RAB4A: variants seen among roughly 807,000 people sequenced by gnomAD.
The protein encoded by RAB4A is RAB4A, member RAS oncogene family.
In RAB4A, 20 loss-of-function variants were observed where a neutral mutation model predicts 34.5. The ratio of observed to expected loss-of-function variants is 0.58; its 90% CI spans 0.41 to 0.84. RAB4A has a LOEUF of 0.84. RAB4A is among the 40% of genes least tolerant of loss of function. The probability of loss-of-function intolerance (pLI) is 0.00; values close to 1 mark genes in which losing one functional copy is unlikely to be tolerated. For synonymous variants in RAB4A, 102 were observed against 100.0 expected (o/e 1.02, Z -0.12); for missense variants, 228 against 274.5 (o/e 0.83, Z 1.20).
intron 1 of RAB4A, among the ~76,000 whole-genome samples, chr1:229,279,582 A>G (rs1382930507): frequency 1.3e-5 from 2 of 151,904 alleles, no homozygotes; most frequent in Non-Finnish European, 2.9e-5. Context: ...TTTTGGCTTT[A>G]TGTTTGCTAT....
intron 1 of RAB4A, among the ~76,000 whole-genome samples, chr1:229,279,837 A>ATTT (rs1656738115): frequency 7.2e-6 from 1 of 139,102 alleles, no homozygotes; most frequent in African/African-American, 2.9e-5. Context: ...AGGTGAATAT[A>ATTT]ATTATAAACT....
chr1:229,286,996 C>T (rs1656940252), intron 2 of RAB4A, among the ~76,000 whole-genome samples: 1 of 152,184 alleles, frequency 6.6e-6, no homozygotes, highest in Admixed American at 6.5e-5. Flanking sequence ...GACCTCTTGA[C>T]CACACAGCCC....
intron 3 of RAB4A, among the ~76,000 whole-genome samples, chr1:229,291,879 A>G (rs916405370): frequency 1.1e-4 from 17 of 152,144 alleles, no homozygotes; most frequent in Admixed American, 2.0e-4. Context: ...ATGGAATACT[A>G]TGCAGCCATA....
chr1:229,271,189 C>T lies in RAB4A; in HGVS notation c.-151C>T, dbSNP rs1656453200. The T allele has an allele frequency of 1.3e-6, 1 of 748,928 alleles. No homozygotes were observed. Among genetic ancestry groups the T allele is most frequent in the South Asian group, 5.2e-5 (1 of 19,194 alleles). The allele number at this position is 748,928 out of a possible 1,614,324, so 46.4% of individuals were successfully genotyped here. ...GCGGAGCTGGAGTCCGGCTGGGCCG[C>T]AGCCGCTGGGAGACCGGCGGTTGCC... is the stretch of plus-strand genomic sequence containing the variant. On this transcript the variant is annotated 5_prime_UTR_variant, in exon 1 of 8. Coordinates refer to ENST00000366690, the MANE Select transcript of RAB4A (RefSeq NM_004578.4).
intron 1 of RAB4A, among the ~76,000 whole-genome samples, chr1:229,278,184 A>T (rs748999523): frequency 2.0e-5 from 3 of 152,128 alleles, no homozygotes; most frequent in Non-Finnish European, 2.9e-5. Context: ...TTTTCAGGCA[A>T]TGAGCTGCTC....
intron 3 of RAB4A, among the ~76,000 whole-genome samples, chr1:229,292,700 A>C (rs1466465307): frequency 6.6e-6 from 1 of 152,218 alleles, no homozygotes; most frequent in Admixed American, 6.5e-5. Context: ...GCAGCAAAGT[A>C]ATAATTAGTA....
At chr1:229,284,086 GTT>G (rs1369442207) in intron 1 of RAB4A, among the ~76,000 whole-genome samples, 27 of 108,574 alleles carry the variant, frequency 2.5e-4, no homozygotes, top group African/African-American at 9.6e-4. Context: ...TGTTGTTGGT[GTT>G]GTTTGGTTTT....
chr1:229,292,596 A>T (rs1657121037), intron 3 of RAB4A, among the ~76,000 whole-genome samples: 1 of 152,202 alleles, frequency 6.6e-6, no homozygotes, highest in African/African-American at 2.4e-5. Flanking sequence ...AACAGTCTCA[A>T]GGCAGAGAGG....
intron 2 of RAB4A, 100 bp from the exon 3 acceptor site, chr1:229,288,629 C>T: frequency 3.1e-6 from 2 of 639,842 alleles, no homozygotes; most frequent in African/African-American, 1.9e-5. Context: ...AATGTCCATT[C>T]CCCATTGATG....
At chr1:229,279,189 A>G (rs1656719267) in intron 1 of RAB4A, among the ~76,000 whole-genome samples, 1 of 152,214 alleles carries the variant, frequency 6.6e-6, no homozygotes, top group Non-Finnish European at 1.5e-5. Context: ...AGTAGGACAC[A>G]TGAAATGCAT....
At chr1:229,292,247 A>AG (rs752149788) in intron 3 of RAB4A, among the ~76,000 whole-genome samples, 29 of 145,638 alleles carry the variant, frequency 2.0e-4, no homozygotes, top group Non-Finnish European at 3.2e-4. Context: ...GAAAAAAAAA[A>AG]GAAAATTTAA....
At chr1:229,271,422 G>C (rs1438943683) in intron 1 of RAB4A, 52 bp downstream of exon 1, 9 of 1,193,010 alleles carry the variant, frequency 7.5e-6, no homozygotes, top group Non-Finnish European at 9.3e-6. Context: ...GGGGGCGTCG[G>C]TGGCGCGGGG....
At position 229,304,975 on chromosome 1, in the gene RAB4A, A is replaced by T; in HGVS notation, c.*1182A>T. The T allele has an allele frequency of 1.3e-6, 1 of 761,030 alleles. No homozygotes were observed. Among genetic ancestry groups the T allele is most frequent in the Non-Finnish European group, 1.9e-6 (1 of 535,846 alleles). 47.1% of individuals were successfully genotyped at this position (761,030 alleles called of 1,614,324 possible). A position where few individuals can be genotyped will look rare whatever the true frequency, so the allele number is the denominator to read the frequency against. On this transcript the variant is annotated 3_prime_UTR_variant, in exon 8 of 8. Transcript: ENST00000366690. ...TTAAAGTTGAAATGCAGTATTATTTAAATCTGAAAGGTTAAAAAGCTTTCT... is the reference window on the plus strand; with the variant it reads ...TTAAAGTTGAAATGCAGTATTATTTTAATCTGAAAGGTTAAAAAGCTTTCT...
intron 6 of RAB4A, among the ~76,000 whole-genome samples, chr1:229,299,745 A>T (rs1459111381): frequency 6.6e-6 from 1 of 152,180 alleles, no homozygotes; most frequent in African/African-American, 2.4e-5. Context: ...AAATGAATAA[A>T]TCACACCCCT....
At chr1:229,278,213 A>G (rs1317338806) in intron 1 of RAB4A, among the ~76,000 whole-genome samples, 2 of 152,104 alleles carry the variant, frequency 1.3e-5, no homozygotes, top group South Asian at 2.1e-4. Context: ...GATAAGACTC[A>G]TGGCTTTTCC....
intron 3 of RAB4A, among the ~76,000 whole-genome samples, chr1:229,291,753 G>A (rs1234237061): frequency 6.6e-6 from 1 of 152,108 alleles, no homozygotes; most frequent in East Asian, 1.9e-4. Flanking sequence ...AGAGGAGTGA[G>A]GCAGGAGATG....
chr1:229,297,059 T>C (rs171111), intron 4 of RAB4A, among the ~76,000 whole-genome samples: 98,741 of 152,094 alleles, frequency 0.65, 32,292 homozygotes, highest in African/African-American at 0.71. Flanking sequence ...TCATGGAATC[T>C]TTATAAAGAA....
intron 3 of RAB4A, among the ~76,000 whole-genome samples, chr1:229,293,832 G>A (rs931233552): frequency 6.6e-6 from 1 of 152,192 alleles, no homozygotes; most frequent in Middle Eastern, 3.2e-3. Context: ...GAAAGCCAGC[G>A]GTGTGACGAG....
intron 1 of RAB4A, among the ~76,000 whole-genome samples, chr1:229,279,936 T>G (rs1399529720): frequency 6.6e-6 from 1 of 152,232 alleles, no homozygotes; most frequent in Non-Finnish European, 1.5e-5. Context: ...GCACAATTAT[T>G]TAACCAGTTG....
Sources: gnomAD v4.1 joint callset for allele counts (sites outside exome capture counted in the v4.1 genomes callset) on GRCh38, gnomAD v4.1.1 for gene constraint, MANE v1.5 for transcripts, NCBI Gene and HGNC (gene_info 2026-07-23, HGNC 2026-07-21) for gene names.